Variants in MAST4 observed in about 807,000 individuals in gnomAD.
The protein encoded by MAST4 is microtubule associated serine/threonine kinase family member 4.
Under a neutral mutation model 162.7 loss-of-function variants are expected in MAST4, and 89 were observed. The ratio of observed to expected loss-of-function variants is 0.55; its 90% CI spans 0.46 to 0.65. The LOEUF (loss-of-function observed/expected upper bound fraction) is 0.65. MAST4 is among the 30% of genes least tolerant of loss of function. The pLI is 0.00. For synonymous variants in MAST4, 1,479 were observed against 1,361.1 expected (o/e 1.09, Z -1.91); for missense variants, 3,153 against 3,374.0 (o/e 0.93, Z 1.62).
At chr5:66,908,469 A>G (rs1290322807) in intron 4 of MAST4, among the ~76,000 whole-genome samples, 1 of 152,100 alleles carries the variant, frequency 6.6e-6, no homozygotes, top group Non-Finnish European at 1.5e-5. Flanking sequence ...ACTTTTAACC[A>G]CTTTTCAAGG....
intron 5 of MAST4, among the ~76,000 whole-genome samples, chr5:67,078,622 ATATATTTATATT>A (rs1341285650): frequency 7.0e-6 from 1 of 142,406 alleles, no homozygotes; most frequent in African/African-American, 2.6e-5. Context: ...ATATATATTT[ATATATTTATATT>A]TATATTTATA....
chr5:66,775,829 T>C (rs1754575523), intron 2 of MAST4, among the ~76,000 whole-genome samples: 1 of 152,182 alleles, frequency 6.6e-6, no homozygotes, highest in South Asian at 2.1e-4. Flanking sequence ...GGGGGAGATG[T>C]ACTCTGTAGT....
intron 9 of MAST4, 52 bp from the exon 10 acceptor site, chr5:67,104,314 A>G: frequency 7.5e-7 from 1 of 1,337,272 alleles, no homozygotes; most frequent in Non-Finnish European, 1.1e-6. Context: ...TGAATTGTTT[A>G]CATGTGTGTT....
intron 1 of MAST4, among the ~76,000 whole-genome samples, chr5:66,612,479 C>T (rs1743353089): frequency 6.6e-6 from 1 of 152,162 alleles, no homozygotes; most frequent in Non-Finnish European, 1.5e-5. Context: ...TTTGTCAACT[C>T]TACAGGTATT....
chr5:66,816,228 C>CT (rs964973303), intron 3 of MAST4, among the ~76,000 whole-genome samples: 22 of 148,290 alleles, frequency 1.5e-4, no homozygotes, highest in Non-Finnish European at 2.2e-4. Context: ...TTTTGTGATT[C>CT]TTTTTTTTTT....
intron 2 of MAST4, 139 bp from the exon 3 acceptor site, chr5:66,788,531 A>C: frequency 1.8e-6 from 2 of 1,119,800 alleles, no homozygotes; most frequent in South Asian, 1.5e-5. Flanking sequence ...CCAGGTTGCT[A>C]TTAATGTTAT....
chr5:67,003,895 T>C (rs1751590074), intron 4 of MAST4: 1 of 152,216 alleles, frequency 6.6e-6, no homozygotes, highest in Non-Finnish European at 1.5e-5. Flanking sequence ...ACCGTGGTCA[T>C]TGATGGAACA....
At chr5:66,663,953 G>A (rs1309813712) in intron 1 of MAST4, among the ~76,000 whole-genome samples, 2 of 152,156 alleles carry the variant, frequency 1.3e-5, no homozygotes, top group Non-Finnish European at 2.9e-5. Context: ...CAGGGTGGTG[G>A]TGGTGGAGGT....
chr5:66,829,357 T>G (rs1021168759), intron 3 of MAST4, among the ~76,000 whole-genome samples: 33 of 152,226 alleles, frequency 2.2e-4, no homozygotes, highest in African/African-American at 7.9e-4. Context: ...AAATGAAAGT[T>G]TTTGCTGGCA....
chr5:66,807,225 G>A (rs913592086), intron 3 of MAST4, among the ~76,000 whole-genome samples: 35 of 152,282 alleles, frequency 2.3e-4, no homozygotes, highest in African/African-American at 7.9e-4. Context: ...GGCCGGGTGC[G>A]GTGGCTCACG....
intron 3 of MAST4, among the ~76,000 whole-genome samples, chr5:66,897,165 C>T (rs756573789): frequency 4.0e-5 from 6 of 151,890 alleles, no homozygotes; most frequent in African/African-American, 1.5e-4. Context: ...CTGTTTTTTG[C>T]TTTTTTCCCT....
chr5:66,808,721 C>T (rs1005857460), intron 3 of MAST4, among the ~76,000 whole-genome samples: 3 of 152,092 alleles, frequency 2.0e-5, no homozygotes, highest in African/African-American at 4.8e-5. Context: ...TGCCTGATCC[C>T]GTAGCCCAGA....
intron 1 of MAST4, among the ~76,000 whole-genome samples, chr5:66,738,922 C>A (rs550922799): frequency 3.8e-4 from 58 of 152,256 alleles, no homozygotes; most frequent in Admixed American, 3.4e-3. Context: ...CTGTAAGAAA[C>A]CTTAGAAGGT....
intron 4 of MAST4, among the ~76,000 whole-genome samples, chr5:67,031,552 A>T (rs185653847): frequency 6.6e-6 from 1 of 152,188 alleles, no homozygotes; most frequent in Non-Finnish European, 1.5e-5. Flanking sequence ...TCCCTATCAC[A>T]CTTAAAGTAG....
chr5:66,845,126 T>TATATACACACACACACAC (rs1358855625), intron 3 of MAST4, among the ~76,000 whole-genome samples: 1 of 67,172 alleles, frequency 1.5e-5, no homozygotes, highest in African/African-American at 5.6e-5. Flanking sequence ...TATATATATA[T>TATATACACACACACACAC]ACACACACAC....
chr5:66,620,702 CT>C (rs1396935676), intron 1 of MAST4, among the ~76,000 whole-genome samples: 1 of 151,346 alleles, frequency 6.6e-6, no homozygotes, highest in Non-Finnish European at 1.5e-5. Context: ...GTTTTTACAT[CT>C]TTTTTTCGTC....
intron 4 of MAST4, among the ~76,000 whole-genome samples, chr5:67,019,708 T>C (rs3857275): frequency 0.35 from 53,889 of 151,984 alleles, 11,068 homozygotes; most frequent in African/African-American, 0.58. Flanking sequence ...TAATTGAAAC[T>C]TTTTTTTAAA....
At chr5:66,734,383 A>G (rs951933200) in intron 1 of MAST4, among the ~76,000 whole-genome samples, 1 of 152,200 alleles carries the variant, frequency 6.6e-6, no homozygotes, top group Non-Finnish European at 1.5e-5. Context: ...TGAATATCAG[A>G]TGGAGTCCAG....
chr5:67,153,684 G>C (rs1275528295), intron 26 of MAST4, 104 bp downstream of exon 26: 5 of 1,088,814 alleles, frequency 4.6e-6, no homozygotes, highest in Non-Finnish European at 6.1e-6. Context: ...TCTGATTACT[G>C]AGAAAGTATT....
Sources: allele counts gnomAD v4.1 joint callset (sites outside exome capture counted in the v4.1 genomes callset), GRCh38; gene constraint gnomAD v4.1.1; transcripts MANE v1.5; gene names NCBI Gene and HGNC (gene_info 2026-07-23, HGNC 2026-07-21).